Variants in USH2A observed in about 807,000 individuals in gnomAD.
The protein encoded by USH2A is Usher syndrome 2A (autosomal recessive, mild).
A neutral mutation model predicts 538.9 loss-of-function variants in USH2A; 443 were observed. The ratio of observed to expected loss-of-function variants is 0.82; its 90% CI spans 0.76 to 0.89. The LOEUF (loss-of-function observed/expected upper bound fraction) is 0.89. USH2A is among the 40% of genes least tolerant of loss of function. USH2A has a pLI of 0.00. For missense variants in USH2A, 6,633 were observed against 6,324.8 expected, an observed-to-expected ratio of 1.05 and a Z score of -1.65; for synonymous variants, 2,413 against 2,273.5, an observed-to-expected ratio of 1.06 and a Z score of -1.75.
chr1:215,813,682 GT>G lies in USH2A; in HGVS notation c.9739+53del, dbSNP rs149259522. 1.2e-3 allele frequency: 1,898 copies of G among 1,610,688 alleles called. 18 individuals are homozygous for G. The African/African-American group carries it at 0.02, about 17-fold the overall frequency. On this transcript the variant is annotated intron_variant, in intron 49 of 71. Transcript: ENST00000307340. ...AATAGTTCACTGACATGAACCACGT[GT>G]TTATGTTTTCAGGTTCCCATAGTTT...
chr1:215,836,465 TA>T (rs1663490411), intron 47 of USH2A, among the ~76,000 whole-genome samples: 3 of 8,632 alleles, frequency 3.5e-4, no homozygotes, highest in Admixed American at 7.1e-3. Flanking sequence ...GTATATATAT[TA>T]TATATATATA....
intron 44 of USH2A, among the ~76,000 whole-genome samples, chr1:215,848,598 G>C (rs776485991): frequency 6.6e-6 from 1 of 152,186 alleles, no homozygotes; most frequent in East Asian, 1.9e-4. Context: ...AACAGGAAAA[G>C]ATGGTGATTC....
chr1:216,374,288 C>CAA (rs34338688), intron 3 of USH2A, among the ~76,000 whole-genome samples: 153 of 146,430 alleles, frequency 1.0e-3, no homozygotes, highest in African/African-American at 1.7e-3. Flanking sequence ...AGTGCCGACC[C>CAA]AAAAAAAAAA....
chr1:216,188,560 AG>A (rs1224238511), intron 20 of USH2A, among the ~76,000 whole-genome samples: 1 of 151,920 alleles, frequency 6.6e-6, no homozygotes, highest in Non-Finnish European at 1.5e-5. Flanking sequence ...ACAGCCCCCA[AG>A]GAAGTAGAAT....
intron 48 of USH2A, among the ~76,000 whole-genome samples, chr1:215,814,148 TATA>T (rs1163472447): frequency 6.8e-6 from 1 of 147,802 alleles, no homozygotes; most frequent in Non-Finnish European, 1.5e-5. Context: ...TACTATATAA[TATA>T]ATATGTATTT....
intron 16 of USH2A, among the ~76,000 whole-genome samples, chr1:216,203,772 GT>G (rs1267468118): frequency 6.6e-6 from 1 of 152,124 alleles, no homozygotes; most frequent in Non-Finnish European, 1.5e-5. Context: ...AAAATATTTG[GT>G]TGTCTAAAAT....
chr1:216,219,352 A>G (rs1350268467), intron 14 of USH2A, among the ~76,000 whole-genome samples: 1 of 152,088 alleles, frequency 6.6e-6, no homozygotes, highest in Non-Finnish European at 1.5e-5. Context: ...TTTTCTGAAA[A>G]TTGTAGTTTG....
At chr1:216,258,439 A>C (rs1383461132) in intron 11 of USH2A, among the ~76,000 whole-genome samples, 1 of 152,106 alleles carries the variant, frequency 6.6e-6, no homozygotes, top group Non-Finnish European at 1.5e-5. Context: ...AGCCTCATAC[A>C]TGCAGTGAAC....
rs41314534 is a variant in USH2A, at chr1:215,759,826, G to A, written c.11065C>T (p.Arg3689Ter). Residue 3689 changes from arginine to a stop codon, truncating the protein, a stop_gained, in exon 57 of 72, where the codon CGA becomes TGA. Coordinates refer to ENST00000307340, the MANE Select transcript of USH2A (RefSeq NM_206933.4). LOFTEE classifies it high-confidence loss of function. ...AAPEGVWVTP[R>*]HIIINSTTVE... ...GTTGTAGAATTGATGATAATGTGTCGAGGTGTCACCCAAACTCCTGGCAAG... is the reference window on the plus strand; with the variant it reads ...GTTGTAGAATTGATGATAATGTGTCAAGGTGTCACCCAAACTCCTGGCAAG... 2 of 1,613,850 alleles carry A rather than the reference G, an allele frequency of 1.2e-6. No individual in the cohort carries two copies. Among genetic ancestry groups the A allele is most frequent in the Non-Finnish European group, 1.7e-6 (2 of 1,179,862 alleles).
At chr1:216,264,348 A>T (rs988056048) in intron 11 of USH2A, among the ~76,000 whole-genome samples, 3 of 151,852 alleles carry the variant, frequency 2.0e-5, no homozygotes, top group African/African-American at 7.3e-5. Flanking sequence ...CCCAGGCTGG[A>T]GTGCAATGGC....
chr1:216,186,011 A>G (rs751385942), intron 20 of USH2A, among the ~76,000 whole-genome samples: 77 of 151,886 alleles, frequency 5.1e-4, no homozygotes, highest in Admixed American at 7.9e-4. Context: ...CTTTTGTCAT[A>G]TAAGAGACTT....
rs778905525 is a variant in USH2A at position 216,000,463 on chromosome 1, G to C, written c.6425C>G (p.Pro2142Arg). 2.5e-6 allele frequency: 4 copies of C among 1,613,740 alleles called. No homozygotes were observed. Among genetic ancestry groups the C allele is most frequent in the Non-Finnish European group, 3.4e-6 (4 of 1,179,756 alleles). ...AACTGGGGAATCCACGTGTTCTGGT[G>C]GCAGCTGTGCTGTGTACAGTAGGAC... ...SWVLLYTAQL[P>R]PEHVDSPVLT... Residue 2142 changes from proline to arginine, a missense_variant, in exon 33 of 72, where the codon CCA (proline) becomes CGA (arginine). Physicochemically the swap from Pro to Arg is moderately radical, Grantham distance 103. Transcript: ENST00000307340.
chr1:215,934,996 G>A (rs1048500431), intron 37 of USH2A, among the ~76,000 whole-genome samples: 1 of 151,958 alleles, frequency 6.6e-6, no homozygotes, highest in South Asian at 2.1e-4. Flanking sequence ...TATCTGAGTT[G>A]ACCTGGCCAA....
intron 21 of USH2A, among the ~76,000 whole-genome samples, chr1:216,119,467 T>C (rs1305717911): frequency 4.6e-5 from 7 of 151,710 alleles, no homozygotes; most frequent in Admixed American, 4.6e-4. Flanking sequence ...TACATAACAA[T>C]ATAACATATA....
chr1:216,070,267 T>C lies in USH2A; in HGVS notation c.5883A>G (p.Ser1961=), dbSNP rs747704909. The C allele has an allele frequency of 6.2e-7, 1 of 1,613,916 alleles. No individual in the cohort carries two copies. The highest frequency in any genetic ancestry group is 8.5e-7 in the Non-Finnish European group (1 of 1,179,886). The change falls in exon 30 of 72, where the codon TCA becomes TCG. Residue 1961 remains serine, a synonymous_variant. Coordinates refer to ENST00000307340, the MANE Select transcript of USH2A (RefSeq NM_206933.4). ...GAAPQSVPTP[S]RVRSLNGYSI... ...TGTATCCATTTAAGCTGCGGACTCT[T>C]GAGGGAGTTGGCACACTTTGTGGAG... is the stretch of plus-strand genomic sequence containing the variant.
chr1:216,271,607 TA>T (rs1254676191), intron 11 of USH2A, among the ~76,000 whole-genome samples: 1 of 152,138 alleles, frequency 6.6e-6, no homozygotes, highest in Non-Finnish European at 1.5e-5. Flanking sequence ...GATGTAGTGG[TA>T]AAAAATTTAA....
chr1:216,114,728 G>T (rs1558265777), intron 21 of USH2A, among the ~76,000 whole-genome samples: 1 of 152,128 alleles, frequency 6.6e-6, no homozygotes, highest in Non-Finnish European at 1.5e-5. Flanking sequence ...TCCAGTGGAA[G>T]GATTCACCAG....
At chr1:215,892,397 T>C (rs1665232813) in intron 40 of USH2A, among the ~76,000 whole-genome samples, 1 of 152,174 alleles carries the variant, frequency 6.6e-6, no homozygotes, top group Non-Finnish European at 1.5e-5. Flanking sequence ...TAAATGAGTA[T>C]CCCCTAAATT....
intron 18 of USH2A, among the ~76,000 whole-genome samples, chr1:216,197,883 A>G (rs1361669254): frequency 6.6e-6 from 1 of 152,170 alleles, no homozygotes; most frequent in Non-Finnish European, 1.5e-5. Context: ...TAGTATCTAA[A>G]CTATTTATTT....
Sources: allele counts gnomAD v4.1 joint callset (sites outside exome capture counted in the v4.1 genomes callset), GRCh38; gene constraint gnomAD v4.1.1; transcripts MANE v1.5; gene names NCBI Gene and HGNC (gene_info 2026-07-23, HGNC 2026-07-21).